CDH13: variants seen among roughly 807,000 people sequenced by gnomAD.
CDH13 encodes the protein cadherin-13.
Under a neutral mutation model 63.8 loss-of-function variants are expected in CDH13, and 24 were observed. That is an observed-to-expected ratio of 0.38 (90% CI 0.27 to 0.53). The LOEUF is 0.53. Among genes scored for constraint, CDH13 ranks in the 20% least tolerant of loss-of-function variants. CDH13 has a pLI of 0.85. For synonymous variants in CDH13, 503 were observed against 355.3 expected (o/e 1.42, Z -4.67); for missense variants, 1,049 against 903.1 (o/e 1.16, Z -2.07).
At chr16:82,709,535 G>C (rs1054285227) in intron 1 of CDH13, among the ~76,000 whole-genome samples, 1 of 152,156 alleles carries the variant, frequency 6.6e-6, no homozygotes, top group African/African-American at 2.4e-5. Flanking sequence ...TGATGTTTCT[G>C]TTACTTCATC....
chr16:83,428,194 A>G (rs994739191), intron 6 of CDH13, among the ~76,000 whole-genome samples: 5 of 152,198 alleles, frequency 3.3e-5, no homozygotes, highest in African/African-American at 9.7e-5. Context: ...AATGAGTTTT[A>G]TTATTGAACT....
intron 5 of CDH13, among the ~76,000 whole-genome samples, chr16:83,276,843 C>G (rs2089004999): frequency 6.6e-6 from 1 of 152,112 alleles, no homozygotes; most frequent in Admixed American, 6.5e-5. Flanking sequence ...GCACTCCAGC[C>G]TGGGTGACAG....
chr16:83,029,043 G>A (rs1013651601), intron 2 of CDH13, among the ~76,000 whole-genome samples: 1 of 152,156 alleles, frequency 6.6e-6, no homozygotes, highest in Non-Finnish European at 1.5e-5. Context: ...TGTAGGAGAA[G>A]GGGATCAAAA....
chr16:82,720,576 T>C (rs535041594), intron 1 of CDH13, among the ~76,000 whole-genome samples: 1 of 152,062 alleles, frequency 6.6e-6, no homozygotes, highest in Admixed American at 6.5e-5. Context: ...ATGCACAACT[T>C]TGGGATGTGG....
chr16:83,383,902 G>T (rs2091620436), intron 6 of CDH13, among the ~76,000 whole-genome samples: 1 of 152,132 alleles, frequency 6.6e-6, no homozygotes, highest in Admixed American at 6.5e-5. Flanking sequence ...GAGTGTCACT[G>T]CTGCTAGGTC....
intron 3 of CDH13, among the ~76,000 whole-genome samples, chr16:83,067,599 G>C (rs2032115968): frequency 6.6e-6 from 1 of 152,122 alleles, no homozygotes; most frequent in South Asian, 2.1e-4. Context: ...GAACCTCACT[G>C]AATATTTAAC....
At chr16:83,152,305 A>T (rs545076090) in intron 4 of CDH13, among the ~76,000 whole-genome samples, 1 of 152,346 alleles carries the variant, frequency 6.6e-6, no homozygotes, top group East Asian at 1.9e-4. Flanking sequence ...AATAAGGTGG[A>T]TGTGGACTAC....
intron 5 of CDH13, among the ~76,000 whole-genome samples, chr16:83,305,851 C>T (rs773110671): frequency 2.0e-5 from 3 of 152,138 alleles, no homozygotes; most frequent in South Asian, 2.1e-4. Flanking sequence ...TTGTAGCTGT[C>T]GCAATTATTG....
intron 5 of CDH13, among the ~76,000 whole-genome samples, chr16:83,333,455 C>G (rs1466305412): frequency 6.6e-6 from 1 of 152,082 alleles, no homozygotes; most frequent in East Asian, 1.9e-4. Context: ...CCTCCCCCTG[C>G]TCTTCTGGGA....
At chr16:83,373,214 G>T (rs2091403790) in intron 6 of CDH13, among the ~76,000 whole-genome samples, 1 of 152,172 alleles carries the variant, frequency 6.6e-6, no homozygotes, top group Admixed American at 6.5e-5. Flanking sequence ...CTCAAACTAG[G>T]ACAGTTGTAG....
chr16:83,615,203 A>C (rs1909185080), intron 8 of CDH13, among the ~76,000 whole-genome samples: 1 of 152,150 alleles, frequency 6.6e-6, no homozygotes, highest in Non-Finnish European at 1.5e-5. Flanking sequence ...AAAGCCTCCT[A>C]CTTGGATAAG....
At chr16:83,200,913 T>A (rs1388748733) in intron 4 of CDH13, among the ~76,000 whole-genome samples, 2 of 145,860 alleles carry the variant, frequency 1.4e-5, no homozygotes, top group Non-Finnish European at 3.0e-5. Flanking sequence ...GATTCTCTAG[T>A]CTTAAAAATG....
At chr16:82,683,191 T>C (rs1486525256) in intron 1 of CDH13, among the ~76,000 whole-genome samples, 2 of 152,200 alleles carry the variant, frequency 1.3e-5, no homozygotes, top group Non-Finnish European at 2.9e-5. Context: ...TACTAAACCT[T>C]CCCTGTCTCA....
chr16:83,436,378 G>C (rs1206297880), intron 6 of CDH13, among the ~76,000 whole-genome samples: 1 of 152,108 alleles, frequency 6.6e-6, no homozygotes, highest in Non-Finnish European at 1.5e-5. Flanking sequence ...GGCTGGAGAG[G>C]GAGGATCGCT....
intron 6 of CDH13, among the ~76,000 whole-genome samples, chr16:83,351,963 A>C (rs895516050): frequency 1.3e-5 from 2 of 152,170 alleles, no homozygotes; most frequent in Non-Finnish European, 2.9e-5. Context: ...GCTGTTTTGT[A>C]GATAGTGGAT....
At chr16:83,390,596 A>G (rs1474386831) in intron 6 of CDH13, among the ~76,000 whole-genome samples, 1 of 152,026 alleles carries the variant, frequency 6.6e-6, no homozygotes, top group Non-Finnish European at 1.5e-5. Flanking sequence ...ATTATCAACA[A>G]GAATATGCCT....
Position 82,722,503 on chromosome 16 carries a change from A to G in CDH13, c.45+95366A>G, listed in dbSNP as rs1222755281. 3.3e-5 allele frequency among the ~76,000 whole-genome samples: 5 copies of G among 152,176 alleles called. No individual in the cohort carries two copies. The East Asian group carries it at 9.6e-4, about 29-fold the overall frequency. The stretch of plus-strand genomic sequence containing the variant: ...TGGGTCCCATGAACACGGTACAGGT[A>G]CTGTGCCAGATGAACTGCTGGAATT... On this transcript the variant is annotated intron_variant, in intron 1 of 13. Coordinates refer to ENST00000567109, the MANE Select transcript of CDH13 (RefSeq NM_001257.5).
intron 7 of CDH13, among the ~76,000 whole-genome samples, chr16:83,500,841 A>C (rs1037004179): frequency 3.3e-5 from 5 of 151,836 alleles, no homozygotes; most frequent in Non-Finnish European, 7.4e-5. Flanking sequence ...CGGCCTCCCA[A>C]AGTATTGGGA....
intron 5 of CDH13, among the ~76,000 whole-genome samples, chr16:83,301,025 GT>G (rs3052591): frequency 7.6e-5 from 6 of 78,780 alleles, no homozygotes; most frequent in African/African-American, 2.1e-4. Flanking sequence ...ACTTTCTGGG[GT>G]TTTTTTTTTT....
Sources: allele counts gnomAD v4.1 joint callset (sites outside exome capture counted in the v4.1 genomes callset), GRCh38; gene constraint gnomAD v4.1.1; transcripts MANE v1.5; gene names NCBI Gene and HGNC (gene_info 2026-07-23, HGNC 2026-07-21).